The following CA6 variants were observed in gnomAD, a reference collection of about 807,000 sequenced individuals.
The protein encoded by CA6 is carbonate dehydratase VI.
A neutral mutation model predicts 35.9 loss-of-function variants in CA6; 28 were observed. The ratio of observed to expected loss-of-function variants is 0.78; its 90% CI spans 0.58 to 1.07. The LOEUF is 1.07. Ranked by LOEUF, CA6 falls within the 50% of genes least tolerant of loss-of-function variation. The pLI, the probability that CA6 is intolerant of heterozygous loss-of-function variation, is 0.00. For missense variants in CA6, 377 were observed against 382.0 expected, an observed-to-expected ratio of 0.99 and a Z score of 0.11; for synonymous variants, 148 against 152.6, an observed-to-expected ratio of 0.97 and a Z score of 0.22.
intron 7 of CA6, among the ~76,000 whole-genome samples, chr1:8,973,760 C>CTT (rs1263884124): frequency 9.2e-5 from 2 of 21,746 alleles, no homozygotes; most frequent in African/African-American, 4.3e-4. Flanking sequence ...TTCTTTCTTT[C>CTT]TTTCTTTCTT....
chr1:8,970,234 A>C, intron 6 of CA6, among the ~76,000 whole-genome samples: 1 of 151,688 alleles, frequency 6.6e-6, no homozygotes. Flanking sequence ...AAAAGAGAAA[A>C]ACCTGACATT....
rs1395628560 is a variant in CA6, at chr1:8,971,442, G to A, written c.844+461G>A. Among the ~76,000 whole-genome samples the A allele has an allele frequency of 2.0e-5, 3 of 151,086 alleles. 1 individual carries two copies. The highest frequency in any genetic ancestry group is 2.0e-4 in the Admixed American group (3 of 15,112). On this transcript the variant is annotated intron_variant, in intron 7 of 7. Coordinates refer to ENST00000377443, the MANE Select transcript of CA6 (RefSeq NM_001215.4). Reference sequence around the variant, plus strand: ...TTCTCCTGCCTCAACCTCCCCAGTAGCTGGGACTACAGGCACCTACCACCA... The same window carrying A: ...TTCTCCTGCCTCAACCTCCCCAGTAACTGGGACTACAGGCACCTACCACCA...
chr1:8,965,930 A>G (rs1192172929), intron 5 of CA6, among the ~76,000 whole-genome samples: 7 of 151,176 alleles, frequency 4.6e-5, no homozygotes, highest in Non-Finnish European at 1.5e-5. Flanking sequence ...GTGTGGATAT[A>G]TGATATTTTG....
chr1:8,961,889 T>G lies in CA6; in HGVS notation c.502-698T>G, dbSNP rs866398128. Among the ~76,000 whole-genome samples the G allele has an allele frequency of 1.9e-4, 29 of 152,294 alleles. No homozygotes were observed. In the South Asian group the frequency reaches 6.0e-3, roughly 32 times the overall value. On this transcript the variant is annotated intron_variant, in intron 4 of 7. Transcript: ENST00000377443. Reference sequence around the variant, plus strand: ...AAGTCCTGAGGATGAAGAAGGGAACTTGTGAGATCAAGCCCTCCTCATCAC... The same window carrying G: ...AAGTCCTGAGGATGAAGAAGGGAACGTGTGAGATCAAGCCCTCCTCATCAC...
At position 8,958,964 on chromosome 1, in the gene CA6, G is replaced by A; in HGVS notation, c.463G>A (p.Ala155Thr). 6.2e-7 allele frequency: 1 copy of A among 1,613,216 alleles called. No homozygotes were observed. Residue 155 changes from alanine (A) to threonine (T), a missense_variant, in exon 4 of 8, where the codon GCG (alanine) becomes ACG (threonine). Physicochemically the swap from Ala to Thr is moderately conservative, Grantham distance 58. Transcript: ENST00000377443. ...KYKSYDIAQDAPDGLAVLAAF... is the reference protein window; with the variant it reads ...KYKSYDIAQDTPDGLAVLAAF... ...CAAGAGCTATGATATAGCCCAAGAT[G>A]CGCCGGATGGTTTGGCTGTACTGGC...
At chr1:8,946,795 T>C (rs1004292357) in intron 1 of CA6, among the ~76,000 whole-genome samples, 1 of 134,954 alleles carries the variant, frequency 7.4e-6, no homozygotes, top group Admixed American at 7.9e-5. Context: ...TGAGAGGTGT[T>C]TTTTTTTTTG....
Position 8,967,185 on chromosome 1 carries a change from GT to G in CA6, c.572-473del, listed in dbSNP as rs554198174. On this transcript the variant is annotated intron_variant, in intron 5 of 7. Coordinates refer to ENST00000377443, the MANE Select transcript of CA6 (RefSeq NM_001215.4). ...AATGAGCCCAAACCAAGGCATTTTGGTCTTTCTTCAAGGGCACTTACCCAGA... is the reference window on the plus strand; with the variant it reads ...AATGAGCCCAAACCAAGGCATTTTGGCTTTCTTCAAGGGCACTTACCCAGA... Among the ~76,000 whole-genome samples the G allele has an allele frequency of 3.8e-3, 583 of 152,036 alleles. 4 individuals are homozygous for G. The highest frequency in any genetic ancestry group is 0.013 in the African/African-American group (549 of 41,454).
chr1:8,948,224 C>T (rs748020843), intron 1 of CA6, among the ~76,000 whole-genome samples: 11 of 152,108 alleles, frequency 7.2e-5, no homozygotes, highest in Non-Finnish European at 1.6e-4. Context: ...TGGGATTCTC[C>T]ATGTCACATG....
chr1:8,958,893 C>T lies in CA6; in HGVS notation c.409-17C>T, dbSNP rs1386337636. On this transcript the variant is annotated splice_polypyrimidine_tract_variant and intron_variant, in intron 3 of 7. Coordinates refer to ENST00000377443, the MANE Select transcript of CA6 (RefSeq NM_001215.4). The stretch of plus-strand genomic sequence containing the variant: ...TTCTATGAACTGCCCTTGACCCACT[C>T]TACCTTGCTCTTACAGATTCACATT... 2.8e-6 allele frequency: 4 copies of T among 1,440,628 alleles called. No individual in the cohort carries two copies. 89.2% of individuals were successfully genotyped at this position (1,440,628 alleles called of 1,614,324 possible).
rs1184764837 is a variant in CA6 at position 8,971,562 on chromosome 1, C to T, written c.844+581C>T. 3.3e-5 allele frequency among the ~76,000 whole-genome samples: 5 copies of T among 152,064 alleles called. 1 individual carries two copies. Among genetic ancestry groups the T allele is most frequent in the African/African-American group, 4.8e-5 (2 of 41,404 alleles). On this transcript the variant is annotated intron_variant, in intron 7 of 7. Transcript: ENST00000377443. ...CTGACCTCAGGTGATCTGCCCACCT[C>T]GGCCTCCCAAAGTGCTGGGATTACA...
intron 5 of CA6, among the ~76,000 whole-genome samples, chr1:8,966,178 C>T (rs553745673): frequency 5.6e-4 from 85 of 152,118 alleles, no homozygotes; most frequent in Non-Finnish European, 1.0e-3. Context: ...GCCTTGATCT[C>T]GGCTCACTGC....
At chr1:8,961,751 T>C (rs1346398147) in intron 4 of CA6, among the ~76,000 whole-genome samples, 2 of 152,154 alleles carry the variant, frequency 1.3e-5, no homozygotes, top group African/African-American at 4.8e-5. Flanking sequence ...AAATAGACCT[T>C]TTTCACCCAA....
chr1:8,956,379 G>C (rs752898050), intron 2 of CA6, among the ~76,000 whole-genome samples: 1 of 152,056 alleles, frequency 6.6e-6, no homozygotes, highest in Non-Finnish European at 1.5e-5. Flanking sequence ...AGAGATTTCA[G>C]CTGGGCGTGG....
At chr1:8,959,936 A>AAAAAAAAG (rs1224524797) in intron 4 of CA6, among the ~76,000 whole-genome samples, 28 of 148,848 alleles carry the variant, frequency 1.9e-4, no homozygotes, top group African/African-American at 7.0e-4. Flanking sequence ...TATCTCAAAA[A>AAAAAAAAG]AAAAAAAAAA....
At position 8,957,167 on chromosome 1, in the gene CA6, T is replaced by C. The variant is rs757947900; in HGVS notation, c.290T>C (p.Met97Thr). ...ATCAGCCTGCCCTCCACCATGCGCA[T>C]GACAGTGGCTGACGGCACTGTATAC... ...VQISLPSTMR[M>T]TVADGTVYIA... is the part of the protein sequence containing the mutation. The change falls in exon 3 of 8, where the codon ATG becomes ACG. Residue 97 changes from methionine to threonine, a missense_variant. By Grantham distance (81) the Met-to-Thr change is moderately conservative. Transcript: ENST00000377443. The C allele has an allele frequency of 2.7e-5, 43 of 1,613,198 alleles. 1 individual carries two copies. In the South Asian group the frequency reaches 4.5e-4, roughly 17 times the overall value.
chr1:8,972,929 A>G (rs1640147053), intron 7 of CA6, among the ~76,000 whole-genome samples: 2 of 152,148 alleles, frequency 1.3e-5, no homozygotes, highest in South Asian at 4.1e-4. Context: ...ATACAACATT[A>G]ACAGCAAGAA....
intron 7 of CA6, 24 bp downstream of exon 7, chr1:8,971,005 A>T: frequency 6.9e-7 from 1 of 1,459,720 alleles, no homozygotes. Context: ...ACTCTTGATC[A>T]TGCTCTGCAG....
At chr1:8,971,770 C>T (rs2124195054) in intron 7 of CA6, among the ~76,000 whole-genome samples, 1 of 152,328 alleles carries the variant, frequency 6.6e-6, no homozygotes. Flanking sequence ...GGCCCCAGAC[C>T]CCAGCGTGCT....
chr1:8,955,023 C>G (rs1452343830), intron 2 of CA6, among the ~76,000 whole-genome samples: 2 of 151,032 alleles, frequency 1.3e-5, no homozygotes, highest in African/African-American at 4.9e-5. Flanking sequence ...AGACTAGTAA[C>G]AGTTGGTGGG....
Sources: gnomAD v4.1 joint callset for allele counts (sites outside exome capture counted in the v4.1 genomes callset) on GRCh38, gnomAD v4.1.1 for gene constraint, MANE v1.5 for transcripts, NCBI Gene and HGNC (gene_info 2026-07-23, HGNC 2026-07-21) for gene names.